Variants in PARD3B observed in about 807,000 individuals in gnomAD.
PARD3B encodes the protein partitioning defective 3 homolog B.
PARD3B carries 103 observed loss-of-function variants against 130.2 expected under a neutral mutation model. That is an observed-to-expected ratio of 0.79 (90% CI 0.67 to 0.93). The LOEUF (loss-of-function observed/expected upper bound fraction) is 0.93, where lower values mean the gene tolerates loss of function less well. Among genes scored for constraint, PARD3B ranks in the 40% least tolerant of loss-of-function variants. PARD3B has a pLI of 0.00. For synonymous variants in PARD3B, 583 were observed against 553.2 expected, an observed-to-expected ratio of 1.05 and a Z score of -0.76; for missense variants, 1,609 against 1,499.2, an observed-to-expected ratio of 1.07 and a Z score of -1.21.
At chr2:205,150,978 G>C (rs972372475) in intron 10 of PARD3B, among the ~76,000 whole-genome samples, 2 of 152,128 alleles carry the variant, frequency 1.3e-5, no homozygotes, top group African/African-American at 4.8e-5. Flanking sequence ...AAATCTCTAG[G>C]AGAGTAGAAT....
chr2:204,741,132 C>G (rs796207814), intron 2 of PARD3B, among the ~76,000 whole-genome samples: 29 of 152,080 alleles, frequency 1.9e-4, no homozygotes, highest in African/African-American at 6.7e-4. Context: ...TTGCTTTGTT[C>G]CTGTATCACT....
rs73054956 is a variant in PARD3B at position 205,015,739 on chromosome 2, G to A, written c.395-31842G>A. 0.011 allele frequency among the ~76,000 whole-genome samples: 1,612 copies of A among 152,242 alleles called. 23 individuals are homozygous for A. The highest frequency in any genetic ancestry group is 0.035 in the African/African-American group (1,467 of 41,544). Reference sequence around the variant, plus strand: ...TGCAGTGGGGTTTCTTTCTTACTTAGTTTTGAACAATTGGCCCTATTTGAC... The same window carrying A: ...TGCAGTGGGGTTTCTTTCTTACTTAATTTTGAACAATTGGCCCTATTTGAC... On this transcript the variant is annotated intron_variant, in intron 3 of 22. Transcript: ENST00000406610. The surrounding 1 kb of genome is among the most constrained non-coding windows in gnomAD (Gnocchi z 4.5).
At chr2:205,119,430 A>G (rs2030370690) in intron 7 of PARD3B, among the ~76,000 whole-genome samples, 1 of 152,128 alleles carries the variant, frequency 6.6e-6, no homozygotes, top group Non-Finnish European at 1.5e-5. Context: ...TAAACTAAAA[A>G]ATCTGTGAGA....
chr2:205,438,375 A>G (rs1469584352), intron 19 of PARD3B, among the ~76,000 whole-genome samples: 1 of 152,196 alleles, frequency 6.6e-6, no homozygotes, highest in African/African-American at 2.4e-5. Flanking sequence ...TTCCTCTTCC[A>G]TTAATGCACA....
In PARD3B at chr2:204,998,490, ATG is replaced by A. The variant is rs1367379135; in HGVS notation, c.394+33169_394+33170del. ...ATGTATATATATGTGTATATAATAT[ATG>A]TATATATATGTGTATATATATATGT... On this transcript the variant is annotated intron_variant, in intron 3 of 22. Coordinates refer to ENST00000406610, the MANE Select transcript of PARD3B (RefSeq NM_001302769.2). 3.2e-3 allele frequency among the ~76,000 whole-genome samples: 352 copies of A among 110,796 alleles called. 58 individuals are homozygous for A. The highest frequency in any genetic ancestry group is 0.012 in the African/African-American group (336 of 27,420). 72.7% of individuals were successfully genotyped at this position (110,796 alleles called of 152,430 possible).
Position 205,615,583 on chromosome 2 carries a change from A to ACAGAGCTCAGGGTGG in PARD3B, c.3393_3407dup (p.Glu1131_Ala1135dup), listed in dbSNP as rs762876635. The ACAGAGCTCAGGGTGG allele has an allele frequency of 3.1e-6, 5 of 1,613,902 alleles. No homozygotes were observed. Among genetic ancestry groups the ACAGAGCTCAGGGTGG allele is most frequent in the Non-Finnish European group, 3.4e-6 (4 of 1,179,940 alleles). On this transcript the variant is annotated inframe_insertion, in exon 23 of 23. Transcript: ENST00000406610. The stretch of plus-strand genomic sequence containing the variant: ...TCCCAAAGGGAGCTATCCCCGCCCC[A>ACAGAGCTCAGGGTGG]CAGAGCTCAGGGTGGCAGATCTCCG...
At chr2:205,162,158 C>T (rs1476308172) in intron 11 of PARD3B, among the ~76,000 whole-genome samples, 2 of 152,126 alleles carry the variant, frequency 1.3e-5, no homozygotes, top group African/African-American at 4.8e-5. Flanking sequence ...TCTAGGACGC[C>T]CTCTTGGAAG....
chr2:204,719,654 T>C (rs1431070745), intron 2 of PARD3B, among the ~76,000 whole-genome samples: 1 of 152,228 alleles, frequency 6.6e-6, no homozygotes, highest in African/African-American at 2.4e-5. Flanking sequence ...TAATGTATTA[T>C]GTTACATTAC....
At chr2:205,056,880 C>T (rs1559395628) in intron 4 of PARD3B, among the ~76,000 whole-genome samples, 1 of 148,128 alleles carries the variant, frequency 6.8e-6, no homozygotes, top group Non-Finnish European at 1.5e-5. Flanking sequence ...TTTTAAAGGA[C>T]ACAAACACAC....
At chr2:204,604,442 G>A (rs1047926443) in intron 1 of PARD3B, among the ~76,000 whole-genome samples, 3 of 152,180 alleles carry the variant, frequency 2.0e-5, no homozygotes, top group African/African-American at 4.8e-5. Context: ...TTTAAATGCT[G>A]TTTTAACATC....
chr2:205,445,749 C>A (rs980223604), intron 20 of PARD3B, among the ~76,000 whole-genome samples: 2 of 152,182 alleles, frequency 1.3e-5, no homozygotes, highest in Non-Finnish European at 2.9e-5. Context: ...GGGCTCCCAA[C>A]ATATAATGGC....
chr2:204,942,469 G>C (rs533268677), intron 2 of PARD3B, among the ~76,000 whole-genome samples: 2 of 152,216 alleles, frequency 1.3e-5, no homozygotes, highest in South Asian at 4.1e-4. Context: ...GGGACCACAA[G>C]CATTTTTGAG....
At chr2:204,784,231 A>G (rs1224364449) in intron 2 of PARD3B, among the ~76,000 whole-genome samples, 2 of 152,058 alleles carry the variant, frequency 1.3e-5, no homozygotes, top group East Asian at 1.9e-4. Flanking sequence ...CTACATGCCT[A>G]CTCTAACTAG....
chr2:205,006,504 T>G (rs985126916), intron 3 of PARD3B, among the ~76,000 whole-genome samples: 2 of 152,224 alleles, frequency 1.3e-5, no homozygotes, highest in Admixed American at 1.3e-4. Flanking sequence ...TGGCCATTCT[T>G]GCAGAAGTAA....
chr2:204,827,674 T>G (rs544570579), intron 2 of PARD3B, among the ~76,000 whole-genome samples: 17 of 152,324 alleles, frequency 1.1e-4, no homozygotes, highest in African/African-American at 4.1e-4. Context: ...ATGCTTTTGC[T>G]CGAAAATCTG....
At chr2:205,466,986 C>T (rs1474614404) in intron 20 of PARD3B, among the ~76,000 whole-genome samples, 1 of 152,182 alleles carries the variant, frequency 6.6e-6, no homozygotes, top group Admixed American at 6.5e-5. Context: ...GTGCTGGGAT[C>T]ACAGGCGTGA....
chr2:205,381,681 C>T (rs1559036874), intron 18 of PARD3B, among the ~76,000 whole-genome samples: 2 of 151,800 alleles, frequency 1.3e-5, no homozygotes, highest in African/African-American at 4.8e-5. Flanking sequence ...ATTTCCCAAC[C>T]AATAAAAGCG....
At chr2:205,515,941 A>G (rs2050775907) in intron 21 of PARD3B, among the ~76,000 whole-genome samples, 1 of 152,082 alleles carries the variant, frequency 6.6e-6, no homozygotes, top group South Asian at 2.1e-4. Context: ...TTTTACATTT[A>G]AGTCTTTAAT....
chr2:205,481,906 G>A (rs997866884), intron 20 of PARD3B, among the ~76,000 whole-genome samples: 17 of 152,210 alleles, frequency 1.1e-4, no homozygotes, highest in African/African-American at 4.1e-4. Context: ...ATGGAAATGT[G>A]AGAAGGTTGT....
Sources: allele counts gnomAD v4.1 joint callset (sites outside exome capture counted in the v4.1 genomes callset), GRCh38; gene constraint gnomAD v4.1.1; non-coding constraint Gnocchi (gnomAD v3.1); transcripts MANE v1.5; gene names NCBI Gene and HGNC (gene_info 2026-07-23, HGNC 2026-07-21).